The following ASAP3 variants were observed in gnomAD, a reference collection of about 807,000 sequenced individuals.
ASAP3 encodes arf-GAP with SH3 domain, ANK repeat and PH domain-containing protein 3.
In ASAP3, 85 loss-of-function variants were observed where a neutral mutation model predicts 118.2. That is an observed-to-expected ratio of 0.72 (90% CI 0.60 to 0.86). The LOEUF (loss-of-function observed/expected upper bound fraction) is 0.86, where lower values mean the gene tolerates loss of function less well. ASAP3 is among the 40% of genes least tolerant of loss of function. The pLI, the probability that ASAP3 is intolerant of heterozygous loss-of-function variation, is 0.00. For missense variants in ASAP3, 1,026 were observed against 1,175.0 expected (o/e 0.87, Z 1.85); for synonymous variants, 432 against 477.4 (o/e 0.90, Z 1.24).
intron 1 of ASAP3, among the ~76,000 whole-genome samples, chr1:23,479,654 AG>A (rs1187492616): frequency 6.6e-6 from 1 of 152,234 alleles, no homozygotes; most frequent in Non-Finnish European, 1.5e-5. Context: ...ACAAAGGAAA[AG>A]AAAAATGTAA....
intron 17 of ASAP3, 157 bp downstream of exon 17, chr1:23,435,694 T>G: frequency 3.5e-6 from 3 of 863,752 alleles, no homozygotes; most frequent in Non-Finnish European, 5.7e-6. Context: ...CAGGTCTGCC[T>G]GACTGAAGCT....
intron 17 of ASAP3, 75 bp from the exon 18 acceptor site, chr1:23,434,693 T>A: frequency 7.1e-7 from 1 of 1,414,406 alleles, no homozygotes; most frequent in East Asian, 2.5e-5. Context: ...CCTCTTGAAC[T>A]CTTGCTAACC....
chr1:23,468,271 A>T (rs1248232449), intron 1 of ASAP3, among the ~76,000 whole-genome samples: 1 of 152,250 alleles, frequency 6.6e-6, no homozygotes, highest in Non-Finnish European at 1.5e-5. Context: ...AGCCACACTC[A>T]TCATGAGCAC....
intron 5 of ASAP3, among the ~76,000 whole-genome samples, chr1:23,450,346 G>GT (rs1021256229): frequency 3.3e-5 from 5 of 152,118 alleles, no homozygotes; most frequent in African/African-American, 9.7e-5. Flanking sequence ...TGGCACACCC[G>GT]TTTGATTGAT....
rs988161682 is a variant in ASAP3, at chr1:23,455,757, CTGAACTCAGG to C, written c.348+114_348+123del. The stretch of plus-strand genomic sequence containing the variant: ...TCAGGGCTGGAAAGGGACCTCAGGT[CTGAACTCAGG>C]TCAGAGATCAAGGGCAAATTGGGAG... On this transcript the variant is annotated intron_variant, in intron 3 of 24. Coordinates refer to ENST00000336689, the MANE Select transcript of ASAP3 (RefSeq NM_017707.4). 6.3e-6 allele frequency: 8 copies of C among 1,275,752 alleles called. No homozygotes were observed. The African/African-American group carries it at 8.9e-5, about 14-fold the overall frequency. The allele number at this position is 1,275,752 out of a possible 1,614,324, so 79.0% of individuals were successfully genotyped here. A position where few individuals can be genotyped will look rare whatever the true frequency, so the allele number is the denominator to read the frequency against.
chr1:23,469,855 A>G (rs1025990234), intron 1 of ASAP3, among the ~76,000 whole-genome samples: 4 of 152,216 alleles, frequency 2.6e-5, no homozygotes, highest in Non-Finnish European at 5.9e-5. Flanking sequence ...CTCTGCCTCC[A>G]GAGCCCTTTC....
At position 23,433,720 on chromosome 1, in the gene ASAP3, T is replaced by C. The variant is rs776866252; in HGVS notation, c.1952-27A>G. Reference sequence around the variant, plus strand: ...TGTGAGCGGGGAAAGTCAGGGTTCATGGTCATAGTCAAAGAAACATTACAG... The same window carrying C: ...TGTGAGCGGGGAAAGTCAGGGTTCACGGTCATAGTCAAAGAAACATTACAG... On this transcript the variant is annotated intron_variant, in intron 19 of 24. Coordinates refer to ENST00000336689, the MANE Select transcript of ASAP3 (RefSeq NM_017707.4). 21 of 1,613,796 alleles carry C rather than the reference T, an allele frequency of 1.3e-5. No individual in the cohort carries two copies. The Admixed American group carries it at 3.3e-4, about 26-fold the overall frequency.
intron 8 of ASAP3, 26 bp downstream of exon 8, chr1:23,441,629 G>A (rs376362740): frequency 8.7e-6 from 14 of 1,613,170 alleles, no homozygotes; most frequent in Admixed American, 5.0e-5. Flanking sequence ...GCTTGATCAC[G>A]TGCCCAAGGG....
At position 23,429,076 on chromosome 1, in the gene ASAP3, G is replaced by A. The variant is rs957963582; in HGVS notation, c.*780C>T. ...GACACAGGCAAATGTGGGTGCATCT[G>A]ACTCTACAATTTGGCTGGGGAATAT... On this transcript the variant is annotated 3_prime_UTR_variant, in exon 25 of 25. Transcript: ENST00000336689. 2 of 154,336 alleles carry A rather than the reference G, an allele frequency of 1.3e-5. No individual in the cohort carries two copies. Among genetic ancestry groups the A allele is most frequent in the Admixed American group, 6.5e-5 (1 of 15,292 alleles). The allele number at this position is 154,336 out of a possible 1,614,324, so 9.6% of individuals were successfully genotyped here.
intron 1 of ASAP3, among the ~76,000 whole-genome samples, chr1:23,456,833 G>A (rs771419464): frequency 2.6e-5 from 4 of 152,118 alleles, no homozygotes; most frequent in Non-Finnish European, 5.9e-5. Flanking sequence ...CCTGAGTCTG[G>A]GGAGATGGCA....
intron 1 of ASAP3, among the ~76,000 whole-genome samples, chr1:23,475,750 C>T (rs1422064452): frequency 6.6e-6 from 1 of 152,134 alleles, no homozygotes; most frequent in Non-Finnish European, 1.5e-5. Flanking sequence ...GCAAGAGGAT[C>T]ACTTAAGCCC....
intron 5 of ASAP3, 170 bp from the exon 6 acceptor site, chr1:23,442,782 T>A: frequency 9.6e-7 from 1 of 1,045,494 alleles, no homozygotes; most frequent in Non-Finnish European, 1.3e-6. Context: ...CACAGAGTGG[T>A]GGGGGAGAAA....
In ASAP3 at chr1:23,468,761, G is replaced by A. The variant is rs1403766392; in HGVS notation, c.130-12567C>T. 4.7e-5 allele frequency among the ~76,000 whole-genome samples: 7 copies of A among 150,530 alleles called. No homozygotes were observed. The East Asian group carries it at 1.4e-3, about 29-fold the overall frequency. On this transcript the variant is annotated intron_variant, in intron 1 of 24. Transcript: ENST00000336689. ...GTGGTGGCTAATTTTTGTAGTCCCA[G>A]CTACTTGGGAGGCTGAGGCGAATCA...
chr1:23,462,296 T>A (rs1233156188), intron 1 of ASAP3, among the ~76,000 whole-genome samples: 3 of 150,118 alleles, frequency 2.0e-5, no homozygotes, highest in African/African-American at 7.3e-5. Flanking sequence ...AGTGCTGGGA[T>A]TACAGGCGTG....
chr1:23,441,269 C>T (rs759749432), intron 9 of ASAP3, 58 bp from the exon 10 acceptor site: 350 of 1,601,628 alleles, frequency 2.2e-4, no homozygotes, highest in Non-Finnish European at 2.9e-4. Flanking sequence ...GAGCCCCATT[C>T]TGCGGGGGCT....
intron 1 of ASAP3, among the ~76,000 whole-genome samples, chr1:23,475,529 C>G (rs888712801): frequency 6.6e-6 from 1 of 152,202 alleles, no homozygotes; most frequent in African/African-American, 2.4e-5. Flanking sequence ...CCAAGTGATT[C>G]TGACACAGAT....
At position 23,476,108 on chromosome 1, in the gene ASAP3, G is replaced by C. The variant is rs1412418697; in HGVS notation, c.129+7897C>G. Among the ~76,000 whole-genome samples, 4 of 152,288 alleles carry C rather than the reference G, an allele frequency of 2.6e-5. No individual in the cohort carries two copies. The East Asian group carries it at 7.7e-4, about 29-fold the overall frequency. On this transcript the variant is annotated intron_variant, in intron 1 of 24. Coordinates refer to ENST00000336689, the MANE Select transcript of ASAP3 (RefSeq NM_017707.4). Reference sequence around the variant, plus strand: ...CACTTGTAATCTCAGCACTTTGGGAGGCTGAGGCGGGCAGATCATTTGAGG... The same window carrying C: ...CACTTGTAATCTCAGCACTTTGGGACGCTGAGGCGGGCAGATCATTTGAGG...
chr1:23,460,781 A>G (rs1641562551), intron 1 of ASAP3, among the ~76,000 whole-genome samples: 1 of 152,206 alleles, frequency 6.6e-6, no homozygotes, highest in Non-Finnish European at 1.5e-5. Flanking sequence ...CATCAGCTTT[A>G]TTCATAATTA....
rs566473360 is a variant in ASAP3, at chr1:23,452,104, C to T, written c.424-576G>A. 3.9e-5 allele frequency among the ~76,000 whole-genome samples: 6 copies of T among 152,314 alleles called. No homozygotes were observed. The East Asian group carries it at 9.7e-4, about 25-fold the overall frequency. On this transcript the variant is annotated intron_variant, in intron 4 of 24. Coordinates refer to ENST00000336689, the MANE Select transcript of ASAP3 (RefSeq NM_017707.4). Reference sequence around the variant, plus strand: ...CTGCTCACACCCTTCTGAACAACCCCGAGACTCCCAAGGTGAAAAAGCTGC... The same window carrying T: ...CTGCTCACACCCTTCTGAACAACCCTGAGACTCCCAAGGTGAAAAAGCTGC...
Sources: allele counts gnomAD v4.1 joint callset (sites outside exome capture counted in the v4.1 genomes callset), GRCh38; gene constraint gnomAD v4.1.1; transcripts MANE v1.5; gene names NCBI Gene and HGNC (gene_info 2026-07-23, HGNC 2026-07-21).